Variants in MAGI2 observed in about 807,000 individuals in gnomAD.
The protein encoded by MAGI2 is membrane associated guanylate kinase, WW and PDZ domain containing 2, also known as membrane-associated guanylate kinase, WW and PDZ domain-containing protein 2.
In MAGI2, 35 loss-of-function variants were observed where a neutral mutation model predicts 133.3. The observed-to-expected ratio is 0.26, with a 90% CI of 0.20 to 0.35. The LOEUF is 0.35. Ranked by LOEUF, MAGI2 falls within the 10% of genes least tolerant of loss-of-function variation. The pLI is 1.00. For synonymous variants in MAGI2, 729 were observed against 710.6 expected (o/e 1.03, Z -0.41); for missense variants, 1,636 against 1,863.4 (o/e 0.88, Z 2.25).
intron 6 of MAGI2, among the ~76,000 whole-genome samples, chr7:78,390,159 C>A (rs1468596): frequency 6.6e-6 from 1 of 152,012 alleles, no homozygotes. Flanking sequence ...TCCTCTCAAA[C>A]CATTTTTCTA....
chr7:78,967,656 C>A (rs1021455262), intron 2 of MAGI2, among the ~76,000 whole-genome samples: 1 of 151,342 alleles, frequency 6.6e-6, no homozygotes, highest in Non-Finnish European at 1.5e-5. Context: ...CAATTTCATT[C>A]TTTTGCATGT....
At chr7:78,579,436 C>T (rs1802613598) in intron 3 of MAGI2, among the ~76,000 whole-genome samples, 1 of 152,144 alleles carries the variant, frequency 6.6e-6, no homozygotes, top group African/African-American at 2.4e-5. Context: ...TTCCATTTAC[C>T]TAAAAGCAGG....
intron 2 of MAGI2, among the ~76,000 whole-genome samples, chr7:78,883,574 G>T (rs569840696): frequency 2.6e-5 from 4 of 152,008 alleles, no homozygotes; most frequent in African/African-American, 9.6e-5. Context: ...TCAGTCCTAA[G>T]AAAAAAGAAC....
chr7:78,461,391 T>C (rs868422400), intron 6 of MAGI2, among the ~76,000 whole-genome samples: 25 of 124,080 alleles, frequency 2.0e-4, no homozygotes, highest in Non-Finnish European at 3.2e-4. Flanking sequence ...CACGTGTGTG[T>C]GCGTGTGTGT....
chr7:78,927,840 A>G (rs914387846), intron 2 of MAGI2, among the ~76,000 whole-genome samples: 2 of 151,882 alleles, frequency 1.3e-5, no homozygotes, highest in African/African-American at 2.4e-5. Flanking sequence ...AAATTTTCCA[A>G]TGTGTTCAAG....
chr7:78,070,162 T>TACACACAC (rs1304325793), intron 21 of MAGI2, among the ~76,000 whole-genome samples: 10 of 53,636 alleles, frequency 1.9e-4, no homozygotes, highest in South Asian at 1.7e-3. Flanking sequence ...CACATATATA[T>TACACACAC]ACACACACAC....
At chr7:79,417,890 C>A (rs1846649962) in intron 1 of MAGI2, among the ~76,000 whole-genome samples, 1 of 151,962 alleles carries the variant, frequency 6.6e-6, no homozygotes, top group Non-Finnish European at 1.5e-5. Context: ...AACAACTACC[C>A]CCCCAAATGA....
At position 78,194,904 on chromosome 7, in the gene MAGI2, C is replaced by T. The variant is rs139311919; in HGVS notation, c.2239G>A (p.Glu747Lys). 3.8e-5 allele frequency: 61 copies of T among 1,609,604 alleles called. No homozygotes were observed. The highest frequency in any genetic ancestry group is 4.7e-5 in the Non-Finnish European group (55 of 1,178,650). ...CTTTCATAAATGGCCCTAGATTTCT[C>T]GTAGAGCTCATATGGATCAGGCTTC... is the stretch of plus-strand genomic sequence containing the variant. ...PRKPDPYELYEKSRAIYESRQ... is the reference protein window; with the variant it reads ...PRKPDPYELYKKSRAIYESRQ... Residue 747 changes from glutamate (E) to lysine (K), a missense_variant, in exon 12 of 22, where the codon GAG (glutamate) becomes AAG (lysine). Coordinates refer to ENST00000354212, the MANE Select transcript of MAGI2 (RefSeq NM_012301.4).
intron 12 of MAGI2, among the ~76,000 whole-genome samples, chr7:78,187,606 G>T (rs1178129267): frequency 6.6e-6 from 1 of 152,116 alleles, no homozygotes; most frequent in Non-Finnish European, 1.5e-5. Flanking sequence ...CTCATGGAGA[G>T]CATAACAATC....
In MAGI2 at chr7:78,159,798, G is replaced by C. The variant is rs1186551689; in HGVS notation, c.2845+227C>G. On this transcript the variant is annotated intron_variant, in intron 16 of 21. Transcript: ENST00000354212. ...TGAATGAAGAGCTTTTATAGGGGTG[G>C]AGGAGTTGAGGGCATTAGTTGTGTT... 1.6e-5 allele frequency: 6 copies of C among 384,016 alleles called. No homozygotes were observed. In the East Asian group the frequency reaches 2.4e-4, roughly 15 times the overall value. 23.8% of individuals were successfully genotyped at this position (384,016 alleles called of 1,614,324 possible). A position where few individuals can be genotyped will look rare whatever the true frequency, so the allele number is the denominator to read the frequency against.
intron 1 of MAGI2, among the ~76,000 whole-genome samples, chr7:79,235,473 C>G (rs1831829759): frequency 6.6e-6 from 1 of 152,202 alleles, no homozygotes; most frequent in Admixed American, 6.5e-5. Flanking sequence ...CCCTCCAAGC[C>G]AGGTGCGGGA....
intron 11 of MAGI2, among the ~76,000 whole-genome samples, chr7:78,198,676 T>C (rs991779292): frequency 2.6e-5 from 4 of 152,184 alleles, no homozygotes; most frequent in African/African-American, 9.7e-5. Context: ...CAGCTTCTGA[T>C]TCTAGGGTGC....
chr7:78,495,014 C>T (rs1461171530), intron 5 of MAGI2, among the ~76,000 whole-genome samples: 1 of 152,178 alleles, frequency 6.6e-6, no homozygotes, highest in Admixed American at 6.6e-5. Flanking sequence ...CTGGAGTCAA[C>T]AGCAACTCAA....
rs140077822 is a variant in MAGI2, at chr7:79,113,855, C to A, written c.302-106649G>T. On this transcript the variant is annotated intron_variant, in intron 1 of 21. Coordinates refer to ENST00000354212, the MANE Select transcript of MAGI2 (RefSeq NM_012301.4). ...ACACACACTCCTTTCAACCTTCATTCATCAGGGAACTTACCTTAATGTCAG... is the reference window on the plus strand; with the variant it reads ...ACACACACTCCTTTCAACCTTCATTAATCAGGGAACTTACCTTAATGTCAG... 8.8e-4 allele frequency among the ~76,000 whole-genome samples: 133 copies of A among 151,844 alleles called. 2 individuals are homozygous for A. The highest frequency in any genetic ancestry group is 8.5e-3 in the Admixed American group (129 of 15,252).
intron 1 of MAGI2, among the ~76,000 whole-genome samples, chr7:79,129,710 A>T (rs539912205): frequency 6.6e-6 from 1 of 152,336 alleles, no homozygotes; most frequent in East Asian, 1.9e-4. Context: ...ACAGAACTTT[A>T]AAGATGCAAA....
chr7:78,168,621 TCA>T (rs1825838275), intron 14 of MAGI2, among the ~76,000 whole-genome samples: 1 of 152,226 alleles, frequency 6.6e-6, no homozygotes, highest in South Asian at 2.1e-4. Context: ...TCTGTGAGCC[TCA>T]GTTTCTTCAC....
At chr7:78,823,988 T>C (rs1790402207) in intron 2 of MAGI2, among the ~76,000 whole-genome samples, 1 of 152,170 alleles carries the variant, frequency 6.6e-6, no homozygotes, top group Admixed American at 6.6e-5. Context: ...CCTATTGAAA[T>C]TTCTCAGATT....
chr7:79,300,064 C>T (rs1380926430), intron 1 of MAGI2, among the ~76,000 whole-genome samples: 1 of 152,072 alleles, frequency 6.6e-6, no homozygotes, highest in African/African-American at 2.4e-5. Flanking sequence ...TACCCAGTGT[C>T]AGGTATTTTT....
chr7:78,194,468 C>T (rs576986128), intron 12 of MAGI2, among the ~76,000 whole-genome samples: 4 of 151,996 alleles, frequency 2.6e-5, no homozygotes, highest in African/African-American at 7.2e-5. Flanking sequence ...ACTCAAGGTC[C>T]TAACTTTTTA....
Sources: gnomAD v4.1 joint callset for allele counts (sites outside exome capture counted in the v4.1 genomes callset) on GRCh38, gnomAD v4.1.1 for gene constraint, MANE v1.5 for transcripts, NCBI Gene and HGNC (gene_info 2026-07-23, HGNC 2026-07-21) for gene names.